TRPM6: variants seen among roughly 807,000 people sequenced by gnomAD.
The protein encoded by TRPM6 is channel kinase 2.
In TRPM6, 111 loss-of-function variants were observed where a neutral mutation model predicts 247.6. The ratio of observed to expected loss-of-function variants is 0.45; its 90% CI spans 0.38 to 0.52. TRPM6 has a LOEUF of 0.52. Among genes scored for constraint, TRPM6 ranks in the 20% least tolerant of loss-of-function variants. The probability of loss-of-function intolerance (pLI) is 0.00; values close to 1 mark genes in which losing one functional copy is unlikely to be tolerated. For synonymous variants in TRPM6, 892 were observed against 853.8 expected (o/e 1.04, Z -0.78); for missense variants, 2,126 against 2,421.5 (o/e 0.88, Z 2.56).
intron 14 of TRPM6, 106 bp from the exon 15 acceptor site, chr9:74,803,992 T>A: frequency 2.5e-6 from 2 of 784,544 alleles, no homozygotes; most frequent in Non-Finnish European, 4.5e-6. Flanking sequence ...ATATTTTATT[T>A]CTAGACAATA....
chr9:74,727,425 T>C (rs1825369609), intron 38 of TRPM6, among the ~76,000 whole-genome samples: 1 of 150,700 alleles, frequency 6.6e-6, no homozygotes, highest in Non-Finnish European at 1.5e-5. Context: ...TCGTTTGTTA[T>C]AAGTTTACAC....
intron 21 of TRPM6, among the ~76,000 whole-genome samples, chr9:74,783,281 C>T (rs763954819): frequency 6.6e-6 from 1 of 152,138 alleles, no homozygotes; most frequent in African/African-American, 2.4e-5. Context: ...AGAAACTGAT[C>T]AAGCCAGTTT....
intron 7 of TRPM6, among the ~76,000 whole-genome samples, chr9:74,825,105 G>GA (rs1367716822): frequency 6.6e-6 from 1 of 151,898 alleles, no homozygotes; most frequent in East Asian, 1.9e-4. Context: ...ATCAAAAATA[G>GA]AAAAAAATTA....
intron 20 of TRPM6, among the ~76,000 whole-genome samples, chr9:74,786,702 C>T (rs1473323189): frequency 2.6e-5 from 4 of 151,894 alleles, no homozygotes; most frequent in East Asian, 1.9e-4. Flanking sequence ...ATCGCACCAC[C>T]GCACTCCAGC....
At chr9:74,745,477 G>A (rs971158265) in intron 31 of TRPM6, among the ~76,000 whole-genome samples, 10 of 152,100 alleles carry the variant, frequency 6.6e-5, no homozygotes, top group African/African-American at 2.4e-4. Context: ...GTGTGTGTGT[G>A]TGTGTGTATG....
intron 27 of TRPM6, among the ~76,000 whole-genome samples, chr9:74,756,638 G>A (rs1444373716): frequency 7.7e-6 from 1 of 129,346 alleles, no homozygotes; most frequent in Non-Finnish European, 1.6e-5. Flanking sequence ...GAGCTTAGGA[G>A]TTTAAGAACC....
At chr9:74,807,983 A>G in intron 14 of TRPM6, 51 bp downstream of exon 14, 1 of 1,610,460 alleles carries the variant, frequency 6.2e-7, no homozygotes, top group Non-Finnish European at 8.5e-7. Flanking sequence ...TTCCAAAACA[A>G]CAATTCCTAA....
At chr9:74,843,524 G>A (rs188143234) in intron 3 of TRPM6, among the ~76,000 whole-genome samples, 1 of 152,132 alleles carries the variant, frequency 6.6e-6, no homozygotes, top group East Asian at 1.9e-4. Context: ...AATAAGAGTT[G>A]AAGGCCAGGT....
chr9:74,863,809 A>C (rs887463199), intron 1 of TRPM6, among the ~76,000 whole-genome samples: 4 of 151,410 alleles, frequency 2.6e-5, no homozygotes, highest in African/African-American at 9.7e-5. Flanking sequence ...GGTGGTCTCG[A>C]ACTCCTGACC....
chr9:74,740,310 T>C (rs946329835), intron 33 of TRPM6, among the ~76,000 whole-genome samples: 9 of 152,212 alleles, frequency 5.9e-5, no homozygotes, highest in African/African-American at 2.2e-4. Context: ...TATGCTTCTT[T>C]TGTTAAAGAC....
intron 1 of TRPM6, among the ~76,000 whole-genome samples, chr9:74,884,876 G>T (rs1587614563): frequency 6.6e-6 from 1 of 152,190 alleles, no homozygotes; most frequent in Non-Finnish European, 1.5e-5. Flanking sequence ...TAAGGTGTGG[G>T]ATATAGGAAA....
intron 16 of TRPM6, among the ~76,000 whole-genome samples, chr9:74,800,932 A>G (rs1377804051): frequency 1.3e-5 from 2 of 150,640 alleles, no homozygotes; most frequent in African/African-American, 4.9e-5. Flanking sequence ...GACAAAAAAA[A>G]CTATTCAGAA....
chr9:74,855,731 T>C (rs1830504171), intron 2 of TRPM6, among the ~76,000 whole-genome samples, 166 bp from the exon 3 acceptor site: 1 of 152,220 alleles, frequency 6.6e-6, no homozygotes, highest in Non-Finnish European at 1.5e-5. Context: ...CCACATATAA[T>C]TACTGCAGCA....
chr9:74,749,734 A>G (rs1826174591), intron 30 of TRPM6, among the ~76,000 whole-genome samples: 1 of 152,210 alleles, frequency 6.6e-6, no homozygotes, highest in African/African-American at 2.4e-5. Flanking sequence ...TTATTGTTCA[A>G]TTTCATGCTG....
rs1825194755 is a variant in TRPM6 at position 74,723,237 on chromosome 9, A to C, written c.*1376T>G. 1 of 152,214 alleles carries C rather than the reference A, an allele frequency of 6.6e-6. No individual in the cohort carries two copies. Among genetic ancestry groups the C allele is most frequent in the African/African-American group, 2.4e-5 (1 of 41,448 alleles). The allele number at this position is 152,214 out of a possible 1,614,324, so 9.4% of individuals were successfully genotyped here. ...CTCAGCCATATTTCAAAATATATAT[A>C]CATTCTTTATGCCAGGGGAATAGGG... On this transcript the variant is annotated 3_prime_UTR_variant, in exon 39 of 39. Coordinates refer to ENST00000360774, the MANE Select transcript of TRPM6 (RefSeq NM_017662.5).
At chr9:74,757,157 G>A (rs1433312003) in intron 27 of TRPM6, among the ~76,000 whole-genome samples, 8 of 151,824 alleles carry the variant, frequency 5.3e-5, no homozygotes, top group African/African-American at 1.7e-4. Context: ...CAGCCTACAC[G>A]ACAGAGAAAG....
At chr9:74,832,356 AC>A (rs1185147438) in intron 6 of TRPM6, among the ~76,000 whole-genome samples, 4 of 152,178 alleles carry the variant, frequency 2.6e-5, no homozygotes, top group Admixed American at 1.3e-4. Flanking sequence ...AATATATGAA[AC>A]TTTTTTGGAT....
In TRPM6 at chr9:74,868,496, A is replaced by AAAAAT. The variant is rs754868694; in HGVS notation, c.34-9753_34-9749dup. On this transcript the variant is annotated intron_variant, in intron 1 of 38. Transcript: ENST00000360774. ...GTCGACAGAGCGAGACTCCATCTCA[A>AAAAAT]AAAATAAAATAAAATAAAATAAAAT... 2.8e-3 allele frequency among the ~76,000 whole-genome samples: 430 copies of AAAAAT among 152,228 alleles called. 2 individuals carry two copies. The highest frequency in any genetic ancestry group is 9.1e-3 in the African/African-American group (376 of 41,536).
At chr9:74,793,698 G>A (rs575582504) in intron 18 of TRPM6, among the ~76,000 whole-genome samples, 6 of 152,160 alleles carry the variant, frequency 3.9e-5, no homozygotes, top group Non-Finnish European at 5.9e-5. Flanking sequence ...TCTGACCTTC[G>A]ATAGCATCCC....
Sources: gnomAD v4.1 joint callset for allele counts (sites outside exome capture counted in the v4.1 genomes callset) on GRCh38, gnomAD v4.1.1 for gene constraint, MANE v1.5 for transcripts, NCBI Gene and HGNC (gene_info 2026-07-23, HGNC 2026-07-21) for gene names.